Variants in AMBRA1 observed in about 807,000 individuals in gnomAD.
The protein encoded by AMBRA1 is autophagy and beclin 1 regulator 1, also known as activating molecule in BECN1-regulated autophagy protein 1.
Under a neutral mutation model 125.4 loss-of-function variants are expected in AMBRA1, and 47 were observed. That is an observed-to-expected ratio of 0.37 (90% confidence interval 0.30 to 0.48). The LOEUF is 0.48. Among genes scored for constraint, AMBRA1 ranks in the 20% least tolerant of loss-of-function variants. AMBRA1 has a pLI of 0.99. For synonymous variants in AMBRA1, 626 were observed against 655.5 expected (o/e 0.95, Z 0.69); for missense variants, 1,331 against 1,693.4 (o/e 0.79, Z 3.76).
intron 1 of AMBRA1, among the ~76,000 whole-genome samples, chr11:46,561,747 C>CA (rs2043346303): frequency 6.6e-6 from 1 of 152,194 alleles, no homozygotes; most frequent in Non-Finnish European, 1.5e-5. Context: ...TTATTAAACA[C>CA]AGAGTTCTTA....
rs1160575600 is a variant in AMBRA1 at position 46,430,656 on chromosome 11, G to C, written c.2976+2818C>G. 2.0e-5 allele frequency among the ~76,000 whole-genome samples: 3 copies of C among 152,332 alleles called. No homozygotes were observed. In the East Asian group the frequency reaches 5.8e-4, roughly 29 times the overall value. ...CAGAGATCATCTCTTGGGGAGAGAT[G>C]TCACTTAGTGCCATCTTAAAATAAA... On this transcript the variant is annotated intron_variant, in intron 14 of 17. Coordinates refer to ENST00000683756, the MANE Select transcript of AMBRA1 (RefSeq NM_001387011.1).
chr11:46,505,303 G>A (rs78594871), intron 9 of AMBRA1, among the ~76,000 whole-genome samples: 2,358 of 152,274 alleles, frequency 0.015, 25 homozygotes, highest in Non-Finnish European at 0.022. Context: ...CACAGAGCAC[G>A]TGGACACTCA....
intron 7 of AMBRA1, among the ~76,000 whole-genome samples, chr11:46,517,480 T>G (rs1334120443): frequency 1.0e-4 from 15 of 144,662 alleles, no homozygotes; most frequent in South Asian, 4.5e-4. Context: ...GTTTTTTTTT[T>G]TTTTTTTTTT....
rs139294318 is a variant in AMBRA1, at chr11:46,543,377, G to C, written c.640C>G (p.Pro214Ala). Reference protein sequence around the residue: ...NQQGDDEPEIPIDGTELSHYR... With the variant: ...NQQGDDEPEIAIDGTELSHYR... ...TGGGATAATTCTGTTCCATCTATGGGGATCTCTGGTTCGTCATCACCCTGC... is the reference window on the plus strand; with the variant it reads ...TGGGATAATTCTGTTCCATCTATGGCGATCTCTGGTTCGTCATCACCCTGC... Residue 214 changes from proline to alanine, a missense_variant, in exon 7 of 18, where the codon CCC (proline) becomes GCC (alanine). Physicochemically the swap from Pro to Ala is conservative, Grantham distance 27 (BLOSUM62 -1). Around this residue, in one of 4 missense-constraint regions of AMBRA1, gnomAD observed 689 missense variants for 776.5 expected, o/e 0.89. Transcript: ENST00000683756. 2,697 of 1,613,912 alleles carry C rather than the reference G, an allele frequency of 1.7e-3. 9 individuals are homozygous for C. Among genetic ancestry groups the C allele is most frequent in the Non-Finnish European group, 2.1e-3 (2,468 of 1,179,924 alleles).
intron 11 of AMBRA1, among the ~76,000 whole-genome samples, chr11:46,464,847 C>T (rs1218683942): frequency 6.6e-6 from 1 of 151,766 alleles, no homozygotes; most frequent in East Asian, 1.9e-4. Flanking sequence ...GAGTTTGAGA[C>T]CATCCTGGCC....
At chr11:46,483,020 GA>G (rs374623134) in intron 11 of AMBRA1, among the ~76,000 whole-genome samples, 149 of 133,896 alleles carry the variant, frequency 1.1e-3, no homozygotes, top group African/African-American at 2.4e-3. Flanking sequence ...AAAAAAAAAA[GA>G]AAAAAAAAAA....
chr11:46,421,860 C>T (rs1427447444), intron 14 of AMBRA1, among the ~76,000 whole-genome samples: 1 of 152,162 alleles, frequency 6.6e-6, no homozygotes, highest in African/African-American at 2.4e-5. Context: ...TTTTAGATTT[C>T]CACGGGGACT....
rs137958075 is a variant in AMBRA1, at chr11:46,434,649, G to A, written c.2821+200C>T. On this transcript the variant is annotated intron_variant, in intron 13 of 17. Transcript: ENST00000683756. ...CCTGACCGTCGTAACAGGGGCATGC[G>A]GTAGGACTCTAATGCTCAGATGCTT... Among the ~76,000 whole-genome samples, 702 of 152,276 alleles carry A rather than the reference G, an allele frequency of 4.6e-3. 11 individuals carry two copies. The highest frequency in any genetic ancestry group is 0.016 in the African/African-American group (683 of 41,542).
chr11:46,508,305 C>T lies in AMBRA1; in HGVS notation c.2225G>A (p.Arg742His), dbSNP rs753438290. Residue 742 changes from arginine (R) to histidine (H), a missense_variant, in exon 9 of 18, where the codon CGC becomes CAC. Transcript: ENST00000683756. ...CTGTTGGTAGCGCATGGAGCGCTGGCGAATACTGTCTCTCCGTGAGAGATA... is the reference window on the plus strand; with the variant it reads ...CTGTTGGTAGCGCATGGAGCGCTGGTGAATACTGTCTCTCCGTGAGAGATA... ...IQYLSRRDSI[R>H]QRSMRYQQNR... 15 of 1,614,142 alleles carry T rather than the reference C, an allele frequency of 9.3e-6. No homozygotes were observed. The highest frequency in any genetic ancestry group is 1.7e-5 in the Admixed American group (1 of 60,018).
chr11:46,408,522 G>A lies in AMBRA1; in HGVS notation c.3394C>T (p.Pro1132Ser), dbSNP rs1264018612. 1 of 1,564,656 alleles carries A rather than the reference G, an allele frequency of 6.4e-7. No individual in the cohort carries two copies. Among genetic ancestry groups the A allele is most frequent in the Non-Finnish European group, 8.7e-7 (1 of 1,151,632 alleles). The change falls in exon 17 of 18, where the codon CCT (proline) becomes TCT (serine). Residue 1132 changes from proline (P) to serine (S), a missense_variant. Pro to Ser is a moderately conservative substitution (Grantham distance 74). Coordinates refer to ENST00000683756, the MANE Select transcript of AMBRA1 (RefSeq NM_001387011.1). ...VPEPGTAASG[P>S]GEGEGSEYGA... ...GCCACATGGCTCCTACCTTCACCAG[G>A]ACCTGAGGCGGCTGTCCCTGGCTCC...
At chr11:46,425,163 T>C (rs2136675808) in intron 14 of AMBRA1, among the ~76,000 whole-genome samples, 1 of 152,160 alleles carries the variant, frequency 6.6e-6, no homozygotes, top group East Asian at 1.9e-4. Context: ...AGAAAGCAAT[T>C]ACTCTGGTTT....
At chr11:46,436,287 T>C (rs868846510) in intron 12 of AMBRA1, among the ~76,000 whole-genome samples, 2 of 152,332 alleles carry the variant, frequency 1.3e-5, no homozygotes, top group South Asian at 4.1e-4. Flanking sequence ...TGTGATCTGA[T>C]ACTTAAGAGT....
intron 1 of AMBRA1, among the ~76,000 whole-genome samples, chr11:46,561,743 A>T (rs963779988): frequency 3.9e-5 from 6 of 152,164 alleles, no homozygotes; most frequent in Non-Finnish European, 5.9e-5. Flanking sequence ...CAAATTATTA[A>T]ACACAGAGTT....
At chr11:46,446,814 T>C (rs1281947011) in intron 11 of AMBRA1, among the ~76,000 whole-genome samples, 1 of 152,246 alleles carries the variant, frequency 6.6e-6, no homozygotes, top group Non-Finnish European at 1.5e-5. Flanking sequence ...GCACCACTAC[T>C]AGAATGTCTG....
chr11:46,501,762 A>G (rs535279900), intron 9 of AMBRA1, among the ~76,000 whole-genome samples: 2 of 152,318 alleles, frequency 1.3e-5, no homozygotes, highest in Non-Finnish European at 2.9e-5. Context: ...ATTTATTTCA[A>G]TGTTTAATAT....
In AMBRA1 at chr11:46,570,261, CAAAAAAAAAAAAAA is replaced by C. The variant is rs200875374; in HGVS notation, c.-120-21775_-120-21762del. 2.0e-3 allele frequency among the ~76,000 whole-genome samples: 29 copies of C among 14,294 alleles called. No homozygotes were observed. In the East Asian group the frequency reaches 0.03, roughly 15 times the overall value. 9.4% of individuals were successfully genotyped at this position (14,294 alleles called of 152,430 possible). A position where few individuals can be genotyped will look rare whatever the true frequency, so the allele number is the denominator to read the frequency against. On this transcript the variant is annotated intron_variant, in intron 1 of 17. Transcript: ENST00000683756. The stretch of plus-strand genomic sequence containing the variant: ...TGGGCAACACAGTGAGACCATGTCT[CAAAAAAAAAAAAAA>C]AAAAAAAAAAAAAGCAAGGTCTTCT...
chr11:46,429,279 G>A, intron 14 of AMBRA1: 1 of 799,138 alleles, frequency 1.3e-6, no homozygotes, highest in Non-Finnish European at 2.0e-6. Flanking sequence ...TCGGTGTGTG[G>A]GGAGTGGGAG....
At chr11:46,591,543 C>G (rs2044593843) in intron 1 of AMBRA1, 1 of 152,150 alleles carries the variant, frequency 6.6e-6, no homozygotes, top group Admixed American at 6.5e-5. Context: ...GGACTAGGAA[C>G]TGAATCTCTG....
At chr11:46,569,743 C>CA (rs1055062320) in intron 1 of AMBRA1, among the ~76,000 whole-genome samples, 1 of 148,056 alleles carries the variant, frequency 6.8e-6, no homozygotes, top group Non-Finnish European at 1.5e-5. Context: ...CATGGCTAGT[C>CA]ATGTTGAGAA....
Sources: gnomAD v4.1 joint callset for allele counts (sites outside exome capture counted in the v4.1 genomes callset) on GRCh38, gnomAD v4.1.1 for gene constraint, gnomAD v4.1.1 regional missense constraint, MANE v1.5 for transcripts, NCBI Gene and HGNC (gene_info 2026-07-23, HGNC 2026-07-21) for gene names.